Variants in CORIN observed in about 807,000 individuals in gnomAD.
The protein encoded by CORIN is atrial natriuretic peptide-converting enzyme.
In CORIN, 117 loss-of-function variants were observed where a neutral mutation model predicts 125.3. The ratio of observed to expected loss-of-function variants is 0.93; its 90% CI spans 0.80 to 1.09. The LOEUF is 1.09. Among genes scored for constraint, CORIN ranks in the 50% least tolerant of loss-of-function variants. CORIN has a pLI of 0.00. For synonymous variants in CORIN, 450 were observed against 466.4 expected (o/e 0.96, Z 0.45); for missense variants, 1,253 against 1,306.7 (o/e 0.96, Z 0.63).
At chr4:47,680,323 T>G (rs1577819108) in intron 7 of CORIN, 72 bp from the exon 8 acceptor site, 1 of 1,035,692 alleles carries the variant, frequency 9.7e-7, no homozygotes, top group South Asian at 1.4e-5. Context: ...TGGCTCCCAG[T>G]TCCCATCGAA....
intron 6 of CORIN, among the ~76,000 whole-genome samples, chr4:47,690,769 A>C (rs998347199): frequency 1.3e-5 from 2 of 152,196 alleles, no homozygotes; most frequent in African/African-American, 4.8e-5. Context: ...ATTCAGACTT[A>C]CACTATTCCT....
intron 4 of CORIN, among the ~76,000 whole-genome samples, chr4:47,757,878 G>GTATATATATATATATATATGTATATA (rs1729241110): frequency 8.1e-6 from 1 of 123,926 alleles, no homozygotes; most frequent in African/African-American, 3.3e-5. Context: ...ATATATATAT[G>GTATATATATATATATATATGTATATA]TATATATATA....
At chr4:47,697,514 G>A (rs557482667) in intron 5 of CORIN, among the ~76,000 whole-genome samples, 1 of 152,208 alleles carries the variant, frequency 6.6e-6, no homozygotes, top group East Asian at 1.9e-4. Flanking sequence ...AGGGGTTCAA[G>A]ACCAGCCTGG....
At chr4:47,725,665 T>C (rs2109805111) in intron 5 of CORIN, among the ~76,000 whole-genome samples, 2 of 152,188 alleles carry the variant, frequency 1.3e-5, no homozygotes, top group East Asian at 3.9e-4. Flanking sequence ...GAAAAAGTCT[T>C]GGGAGAAATT....
chr4:47,766,814 T>C (rs28736683), intron 3 of CORIN, among the ~76,000 whole-genome samples: 8,409 of 150,950 alleles, frequency 0.056, 727 homozygotes, highest in African/African-American at 0.19. Flanking sequence ...GGTGTGATGG[T>C]GGGCGCCTGT....
chr4:47,669,323 A>T (rs1724631932), intron 10 of CORIN, among the ~76,000 whole-genome samples: 1 of 152,224 alleles, frequency 6.6e-6, no homozygotes, highest in South Asian at 2.1e-4. Flanking sequence ...CATTTACATG[A>T]AAAATGTGAC....
chr4:47,660,212 T>TGAC (rs1724183221), intron 12 of CORIN, among the ~76,000 whole-genome samples: 1 of 152,188 alleles, frequency 6.6e-6, no homozygotes, highest in Admixed American at 6.5e-5. Flanking sequence ...CTTAAACCTA[T>TGAC]GACTTCAAAC....
At chr4:47,801,984 A>C (rs1265669052) in intron 2 of CORIN, among the ~76,000 whole-genome samples, 1 of 152,068 alleles carries the variant, frequency 6.6e-6, no homozygotes, top group Non-Finnish European at 1.5e-5. Flanking sequence ...TGGCATGGAG[A>C]AATCGGTGTG....
At chr4:47,718,095 G>A (rs1305783107) in intron 5 of CORIN, among the ~76,000 whole-genome samples, 1 of 152,168 alleles carries the variant, frequency 6.6e-6, no homozygotes, top group Non-Finnish European at 1.5e-5. Flanking sequence ...ATCTGACTAT[G>A]TGCCAAGTGC....
chr4:47,764,527 T>C (rs1729617114), intron 3 of CORIN, among the ~76,000 whole-genome samples: 1 of 152,246 alleles, frequency 6.6e-6, no homozygotes, highest in Non-Finnish European at 1.5e-5. Context: ...AACAAGATTC[T>C]CTTATTCACA....
Position 47,623,931 on chromosome 4 carries a change from C to T in CORIN, c.2333G>A (p.Arg778Lys). 1 of 1,613,790 alleles carries T rather than the reference C, an allele frequency of 6.2e-7. No individual in the cohort carries two copies. The highest frequency in any genetic ancestry group is 8.5e-7 in the Non-Finnish European group (1 of 1,179,688). The change falls in exon 18 of 22, where the codon AGA becomes AAA. Residue 778 changes from arginine (R) to lysine (K), a missense_variant. Coordinates refer to ENST00000273857, the MANE Select transcript of CORIN (RefSeq NM_006587.4). ...AGTACACAGAAGAGAAATTTTACTT[C>T]TGCTCTCACAAGACTGCCTGGATTT... Reference protein sequence around the residue: ...LLVNGQSCESRSKISLLCTKQ... With the variant: ...LLVNGQSCESKSKISLLCTKQ...
intron 10 of CORIN, among the ~76,000 whole-genome samples, chr4:47,669,821 G>T (rs149885182): frequency 3.3e-5 from 5 of 151,876 alleles, no homozygotes; most frequent in African/African-American, 4.8e-5. Flanking sequence ...TGCCCGCCTC[G>T]GCCTCCCAAA....
chr4:47,783,502 G>A (rs183157026), intron 3 of CORIN, among the ~76,000 whole-genome samples: 15 of 152,162 alleles, frequency 9.9e-5, no homozygotes, highest in Admixed American at 9.8e-4. Context: ...ATGTCTTAGG[G>A]AAAGACTATT....
At chr4:47,689,627 A>C (rs745421624) in intron 6 of CORIN, among the ~76,000 whole-genome samples, 2 of 152,210 alleles carry the variant, frequency 1.3e-5, no homozygotes, top group African/African-American at 4.8e-5. Flanking sequence ...TTGAGTTTCT[A>C]ATTTAAAATT....
chr4:47,601,540 T>C (rs1034841839), intron 20 of CORIN, among the ~76,000 whole-genome samples: 1 of 152,008 alleles, frequency 6.6e-6, no homozygotes, highest in African/African-American at 2.4e-5. Context: ...AGTTCCACCA[T>C]GTTGCCCAGG....
chr4:47,605,417 G>C (rs1721611194), intron 19 of CORIN, among the ~76,000 whole-genome samples: 2 of 152,030 alleles, frequency 1.3e-5, no homozygotes, highest in Non-Finnish European at 2.9e-5. Context: ...ACAAAGTCAA[G>C]GTCTGTTCTT....
At chr4:47,732,322 A>G (rs1477850028) in intron 5 of CORIN, among the ~76,000 whole-genome samples, 1 of 152,160 alleles carries the variant, frequency 6.6e-6, no homozygotes, top group Non-Finnish European at 1.5e-5. Flanking sequence ...AAAGTCTTCC[A>G]TTGCAGGGGG....
intron 4 of CORIN, among the ~76,000 whole-genome samples, chr4:47,747,722 T>A (rs1486028374): frequency 6.6e-6 from 1 of 152,180 alleles, no homozygotes; most frequent in Non-Finnish European, 1.5e-5. Flanking sequence ...CCTGCAACTT[T>A]CACATGGCCA....
At chr4:47,739,366 G>A (rs911038328) in intron 5 of CORIN, among the ~76,000 whole-genome samples, 1 of 152,058 alleles carries the variant, frequency 6.6e-6, no homozygotes, top group Non-Finnish European at 1.5e-5. Context: ...CATCCAAACT[G>A]AGGAGTCCAA....
Sources: gnomAD v4.1 joint callset for allele counts (sites outside exome capture counted in the v4.1 genomes callset) on GRCh38, gnomAD v4.1.1 for gene constraint, MANE v1.5 for transcripts, NCBI Gene and HGNC (gene_info 2026-07-23, HGNC 2026-07-21) for gene names.